ZNF493: variants seen among roughly 807,000 people sequenced by gnomAD.
The protein encoded by ZNF493 is zinc finger protein 493.
In ZNF493, 11 loss-of-function variants were observed where a neutral mutation model predicts 12.2. The ratio of observed to expected loss-of-function variants is 0.90; its 90% CI spans 0.57 to 1.50. The LOEUF (loss-of-function observed/expected upper bound fraction) is 1.50, where lower values mean the gene tolerates loss of function less well. Ranked by LOEUF, ZNF493 falls within the 40% of genes most tolerant of loss-of-function variation. The pLI is 0.00. For missense variants in ZNF493, 950 were observed against 906.6 expected (o/e 1.05, Z -0.61); for synonymous variants, 286 against 302.6 (o/e 0.95, Z 0.57).
At chr19:21,421,091 G>T (rs1241246344) in intron 3 of ZNF493, among the ~76,000 whole-genome samples, 1 of 151,974 alleles carries the variant, frequency 6.6e-6, no homozygotes, top group Non-Finnish European at 1.5e-5. Context: ...TCCCTTTTCT[G>T]TGACTTTTAC....
intron 3 of ZNF493, among the ~76,000 whole-genome samples, chr19:21,415,436 A>ATAT (rs1568380898): frequency 6.6e-6 from 1 of 152,158 alleles, no homozygotes; most frequent in South Asian, 2.1e-4. Context: ...TGATCCCTAC[A>ATAT]TATTGTTCCT....
chr19:21,405,283 T>C, intron 2 of ZNF493, 28 bp downstream of exon 2: 20 of 1,598,886 alleles, frequency 1.3e-5, no homozygotes, highest in East Asian at 2.2e-5. Flanking sequence ...ACAAAATCCC[T>C]TATATACCCT....
At chr19:21,414,794 T>C (rs902117246) in intron 3 of ZNF493, among the ~76,000 whole-genome samples, 9 of 152,216 alleles carry the variant, frequency 5.9e-5, no homozygotes, top group African/African-American at 2.2e-4. Context: ...TTACCATTAC[T>C]AAACCCATCT....
intron 1 of ZNF493, among the ~76,000 whole-genome samples, chr19:21,400,419 AT>A (rs562887034): frequency 8.8e-4 from 134 of 152,292 alleles, no homozygotes; most frequent in Non-Finnish European, 1.6e-3. Flanking sequence ...AAAAAAAAAA[AT>A]GTAAGCACCT....
In ZNF493 at chr19:21,423,503, AG is replaced by A. The variant is rs1399639871; in HGVS notation, c.846del (p.Arg282SerfsTer4). On this transcript the variant is annotated frameshift_variant, in exon 4 of 4. Coordinates refer to ENST00000392288, the MANE Select transcript of ZNF493 (RefSeq NM_001076678.3). LOFTEE classifies it low-confidence loss of function (END_TRUNC). ...TSFYQFSYLTRHKLIHTREKP... is the reference protein window; with the variant it reads ...TSFYQFSYLTXHKLIHTREKP... ...TTTCTACCAATTCTCATACCTTACT[AG>A]GCATAAGCTAATTCATACTAGAGAG... The A allele has an allele frequency of 6.2e-7, 1 of 1,613,646 alleles. No individual in the cohort carries two copies. The highest frequency in any genetic ancestry group is 8.5e-7 in the Non-Finnish European group (1 of 1,179,832).
chr19:21,408,365 G>C lies in ZNF493; in HGVS notation c.253+2509G>C, dbSNP rs2030206953. The stretch of plus-strand genomic sequence containing the variant: ...GCTGGGTCTCGAACTCCTGACCTCA[G>C]GTGATCCACCCGCCTTGGCCTCCTG... On this transcript the variant is annotated intron_variant, in intron 3 of 3. Transcript: ENST00000392288. 1.6e-5 allele frequency: 14 copies of C among 876,674 alleles called. No individual in the cohort carries two copies. In the South Asian group the frequency reaches 6.3e-4, roughly 40 times the overall value. The allele number at this position is 876,674 out of a possible 1,614,324, so 54.3% of individuals were successfully genotyped here.
In ZNF493 at chr19:21,426,985, G is replaced by A. The variant is rs919210665; in HGVS notation, c.*2001G>A. ...GAAAAAATTACAGATTTTTTGAAAA[G>A]CAAATGATGTAACTCAACTCATTAT... On this transcript the variant is annotated 3_prime_UTR_variant, in exon 4 of 4. Transcript: ENST00000392288. 2 of 166,908 alleles carry A rather than the reference G, an allele frequency of 1.2e-5. No homozygotes were observed. Among genetic ancestry groups the A allele is most frequent in the Non-Finnish European group, 2.9e-5 (2 of 68,076 alleles). The allele number at this position is 166,908 out of a possible 1,614,324, so 10.3% of individuals were successfully genotyped here. A position where few individuals can be genotyped will look rare whatever the true frequency, so the allele number is the denominator to read the frequency against.
intron 3 of ZNF493, chr19:21,408,397 G>C: frequency 1.0e-6 from 1 of 979,210 alleles, no homozygotes; most frequent in Non-Finnish European, 1.2e-6. Flanking sequence ...CCTGGGTGCT[G>C]GGATTACAGA....
chr19:21,407,854 A>G, intron 3 of ZNF493: 1 of 985,368 alleles, frequency 1.0e-6, no homozygotes, highest in African/African-American at 1.7e-5. Context: ...GTGCTATGTT[A>G]AAATAGAAAC....
intron 3 of ZNF493, among the ~76,000 whole-genome samples, chr19:21,409,136 A>G (rs896417964): frequency 2.6e-5 from 4 of 151,918 alleles, no homozygotes; most frequent in African/African-American, 9.7e-5. Flanking sequence ...TGCCTGCCTC[A>G]GCCTCCCAAA....
In ZNF493 at chr19:21,405,767, C is replaced by A. The variant is rs760470679; in HGVS notation, c.164C>A (p.Ala55Asp). 19 of 1,609,948 alleles carry A rather than the reference C, an allele frequency of 1.2e-5. No individual in the cohort carries two copies. The highest frequency in any genetic ancestry group is 1.5e-5 in the Non-Finnish European group (18 of 1,178,384). ...TTTATTTTTAATAAAGCAGGTATTG[C>A]TGTCTCTAAGCCAGATCTGGTCACC... ...NYRNLVFLGI[A>D]VSKPDLVTCL... The change falls in exon 3 of 4, where the codon GCT becomes GAT. Residue 55 changes from alanine to aspartate, a missense_variant. Ala to Asp is a moderately radical substitution (Grantham distance 126, BLOSUM62 -2). Transcript: ENST00000392288.
chr19:21,406,409 C>T (rs1232916320), intron 3 of ZNF493, among the ~76,000 whole-genome samples: 1 of 151,272 alleles, frequency 6.6e-6, no homozygotes, highest in Non-Finnish European at 1.5e-5. Context: ...TTTAAATTCT[C>T]TAAGGATTCT....
chr19:21,401,101 G>C (rs1452023005), intron 1 of ZNF493, among the ~76,000 whole-genome samples: 2 of 152,164 alleles, frequency 1.3e-5, no homozygotes, highest in Admixed American at 6.5e-5. Context: ...GTCATACTTA[G>C]ATAACTCAGT....
rs775665430 is a variant in ZNF493, at chr19:21,423,364, G to C, written c.705G>C (p.Glu235Asp). ...LTRHRRVHTG[E>D]KSYKYECGKS... Reference sequence around the variant, plus strand: ...GACACAGGAGAGTTCATACTGGAGAGAAATCCTACAAATATGAATGTGGCA... The same window carrying C: ...GACACAGGAGAGTTCATACTGGAGACAAATCCTACAAATATGAATGTGGCA... Residue 235 changes from glutamate to aspartate, a missense_variant, in exon 4 of 4, where the codon GAG (glutamate) becomes GAC (aspartate). Coordinates refer to ENST00000392288, the MANE Select transcript of ZNF493 (RefSeq NM_001076678.3). 6.8e-6 allele frequency: 11 copies of C among 1,613,508 alleles called. No homozygotes were observed. Among genetic ancestry groups the C allele is most frequent in the Non-Finnish European group, 9.3e-6 (11 of 1,179,842 alleles).
chr19:21,405,035 C>G, intron 1 of ZNF493, 94 bp from the exon 2 acceptor site: 4 of 1,516,154 alleles, frequency 2.6e-6, no homozygotes, highest in Non-Finnish European at 2.6e-6. Flanking sequence ...AACGAATTTT[C>G]TTTACTTTCT....
chr19:21,408,600 A>T, intron 3 of ZNF493: 1 of 985,078 alleles, frequency 1.0e-6, no homozygotes. Flanking sequence ...TGGTATATTA[A>T]TGTTGCATAC....
chr19:21,420,608 TATATATATATATATA>T (rs1330465664), intron 3 of ZNF493, among the ~76,000 whole-genome samples: 3 of 17,422 alleles, frequency 1.7e-4, no homozygotes, highest in Non-Finnish European at 2.9e-4. Flanking sequence ...TATATATATA[TATATATATATATATA>T]TTTTTTTTTT....
At chr19:21,405,280 C>G (rs1485428017) in intron 2 of ZNF493, 25 bp downstream of exon 2, 2 of 1,598,118 alleles carry the variant, frequency 1.3e-6, no homozygotes, top group Non-Finnish European at 1.7e-6. Flanking sequence ...AATACAAAAT[C>G]CCTTATATAC....
At position 21,425,475 on chromosome 19, in the gene ZNF493, TCATCCA is replaced by T; in HGVS notation, c.*492_*497del. The T allele has an allele frequency of 2.2e-6, 1 of 462,220 alleles. No individual in the cohort carries two copies. The highest frequency in any genetic ancestry group is 4.2e-6 in the Non-Finnish European group (1 of 236,498). The allele number at this position is 462,220 out of a possible 1,614,324, so 28.6% of individuals were successfully genotyped here. ...ATGTGGCAAAGCTTTTAACAAATCC[TCATCCA>T]TTAGTAAACATAAGATAATTCATAC... On this transcript the variant is annotated 3_prime_UTR_variant, in exon 4 of 4. Transcript: ENST00000392288.
Sources: allele counts gnomAD v4.1 joint callset (sites outside exome capture counted in the v4.1 genomes callset), GRCh38; gene constraint gnomAD v4.1.1; transcripts MANE v1.5; gene names NCBI Gene and HGNC (gene_info 2026-07-23, HGNC 2026-07-21).